RPF1: variants seen among roughly 807,000 people sequenced by gnomAD.
The protein encoded by RPF1 is ribosome production factor 1 homolog, also known as ribosome production factor 1.
A neutral mutation model predicts 41.9 loss-of-function variants in RPF1; 34 were observed. The ratio of observed to expected loss-of-function variants is 0.81; its 90% CI spans 0.62 to 1.08. The LOEUF (loss-of-function observed/expected upper bound fraction) is 1.08, where lower values mean the gene tolerates loss of function less well. RPF1 is among the 50% of genes least tolerant of loss of function. The pLI is 0.00. For missense variants in RPF1, 425 were observed against 435.2 expected (o/e 0.98, Z 0.21); for synonymous variants, 140 against 148.9 (o/e 0.94, Z 0.43).
chr1:84,481,241 C>A (rs12036957), intron 2 of RPF1, among the ~76,000 whole-genome samples: 1 of 151,986 alleles, frequency 6.6e-6, no homozygotes, highest in African/African-American at 2.4e-5. Context: ...CTTTTCCCTC[C>A]GAAGATAACC....
chr1:84,480,373 T>C (rs1265153359), intron 1 of RPF1, among the ~76,000 whole-genome samples: 2 of 152,216 alleles, frequency 1.3e-5, no homozygotes, highest in African/African-American at 4.8e-5. Context: ...ATTTTTTATT[T>C]TGTCAAGCAT....
intron 6 of RPF1, 83 bp from the exon 7 acceptor site, chr1:84,495,799 A>C (rs553799862): frequency 1.1e-6 from 1 of 910,222 alleles, no homozygotes; most frequent in African/African-American, 1.7e-5. Flanking sequence ...TTGTCATGTA[A>C]ATTTTGATAC....
rs554976621 is a variant in RPF1 at position 84,496,017 on chromosome 1, G to A, written c.835G>A (p.Ala279Thr). Residue 279 changes from alanine (A) to threonine (T), a missense_variant, in exon 7 of 9, where the codon GCC becomes ACC. Coordinates refer to ENST00000370654, the MANE Select transcript of RPF1 (RefSeq NM_025065.7). ...HNPQFIGRQV[A>T]TFHNQRDYIF... ...TCCTCAATTTATCGGAAGGCAGGTT[G>A]CCACATTCCACAATCAACGGGATTA... is the stretch of plus-strand genomic sequence containing the variant. The A allele has an allele frequency of 3.1e-6, 5 of 1,612,952 alleles. No individual in the cohort carries two copies. The highest frequency in any genetic ancestry group is 1.7e-5 in the Admixed American group (1 of 59,972).
intron 3 of RPF1, among the ~76,000 whole-genome samples, chr1:84,486,570 A>G (rs1344358943): frequency 6.9e-6 from 1 of 144,678 alleles, no homozygotes; most frequent in African/African-American, 2.7e-5. Flanking sequence ...CATGGGCGAC[A>G]GAGCGAGACT....
rs982995774 is a variant in RPF1 at position 84,497,548 on chromosome 1, CTT to C, written c.*81_*82del. ...GGTAAATTATTTTTGACAGAATACTCTTTTCAAAATGGCATTTGCTGATTTCA... is the reference window on the plus strand; with the variant it reads ...GGTAAATTATTTTTGACAGAATACTCTTCAAAATGGCATTTGCTGATTTCA... On this transcript the variant is annotated 3_prime_UTR_variant, in exon 9 of 9. Transcript: ENST00000370654. 2.1e-5 allele frequency: 23 copies of C among 1,106,088 alleles called. No homozygotes were observed. In the African/African-American group the frequency reaches 2.3e-4, roughly 11 times the overall value. The allele number at this position is 1,106,088 out of a possible 1,614,324, so 68.5% of individuals were successfully genotyped here. A position where few individuals can be genotyped will look rare whatever the true frequency, so the allele number is the denominator to read the frequency against.
chr1:84,484,762 T>G (rs550504219), intron 3 of RPF1, among the ~76,000 whole-genome samples: 1 of 150,796 alleles, frequency 6.6e-6, no homozygotes, highest in African/African-American at 2.4e-5. Flanking sequence ...CTCGGCTCAC[T>G]GCAACCTCTG....
chr1:84,491,289 G>A (rs1681831104), intron 5 of RPF1, among the ~76,000 whole-genome samples: 1 of 151,978 alleles, frequency 6.6e-6, no homozygotes, highest in South Asian at 2.1e-4. Flanking sequence ...AATTGAATGA[G>A]TCATCTTTAT....
chr1:84,493,446 A>C lies in RPF1; in HGVS notation c.617-1927A>C, dbSNP rs187280316. ...CATGGCAAAACCCTTTCTCTACAAA[A>C]ATTAGCTGGGCATGATGCCTGTAGT... On this transcript the variant is annotated intron_variant, in intron 5 of 8. Coordinates refer to ENST00000370654, the MANE Select transcript of RPF1 (RefSeq NM_025065.7). Among the ~76,000 whole-genome samples, 257 of 152,030 alleles carry C rather than the reference A, an allele frequency of 1.7e-3. 2 individuals are homozygous for C. Among genetic ancestry groups the C allele is most frequent in the African/African-American group, 6.0e-3 (250 of 41,500 alleles).
chr1:84,491,012 G>T (rs1681826159), intron 5 of RPF1, among the ~76,000 whole-genome samples: 1 of 152,104 alleles, frequency 6.6e-6, no homozygotes, highest in South Asian at 2.1e-4. Context: ...ATGGTTTGTT[G>T]TGGCTAGATT....
intron 3 of RPF1, among the ~76,000 whole-genome samples, chr1:84,488,575 T>G (rs533505608): frequency 6.6e-6 from 1 of 152,126 alleles, no homozygotes; most frequent in Non-Finnish European, 1.5e-5. Flanking sequence ...TTCTAGAACT[T>G]CTAGCCTAAT....
rs1378377141 is a variant in RPF1 at position 84,497,500 on chromosome 1, T to G, written c.*30T>G. On this transcript the variant is annotated 3_prime_UTR_variant, in exon 9 of 9. Transcript: ENST00000370654. ...CTGAGAGAATGATATTGGATTTTGC[T>G]GAACAGGCCTATCTTGAACTTTGGT... The G allele has an allele frequency of 2.0e-6, 3 of 1,523,482 alleles. No individual in the cohort carries two copies. The highest frequency in any genetic ancestry group is 4.6e-5 in the East Asian group (2 of 43,794). The allele number at this position is 1,523,482 out of a possible 1,614,324, so 94.4% of individuals were successfully genotyped here. A position where few individuals can be genotyped will look rare whatever the true frequency, so the allele number is the denominator to read the frequency against.
At position 84,497,550 on chromosome 1, in the gene RPF1, T is replaced by C; in HGVS notation, c.*80T>C. On this transcript the variant is annotated 3_prime_UTR_variant, in exon 9 of 9. Transcript: ENST00000370654. The stretch of plus-strand genomic sequence containing the variant: ...TAAATTATTTTTGACAGAATACTCT[T>C]TTCAAAATGGCATTTGCTGATTTCA... 11 of 1,064,048 alleles carry C rather than the reference T, an allele frequency of 1.0e-5. No individual in the cohort carries two copies. The highest frequency in any genetic ancestry group is 4.2e-4 in the Middle Eastern group (2 of 4,770). The allele number at this position is 1,064,048 out of a possible 1,614,324, so 65.9% of individuals were successfully genotyped here.
chr1:84,479,820 G>A (rs1269651748), intron 1 of RPF1, among the ~76,000 whole-genome samples: 1 of 152,194 alleles, frequency 6.6e-6, no homozygotes, highest in Non-Finnish European at 1.5e-5. Context: ...GGCCCAGAAG[G>A]CAAAAGTCTC....
At chr1:84,489,538 C>G in intron 3 of RPF1, 95 bp from the exon 4 acceptor site, 1 of 707,946 alleles carries the variant, frequency 1.4e-6, no homozygotes, top group Non-Finnish European at 2.6e-6. Flanking sequence ...CAGCTAGATA[C>G]TCAGTGTCCA....
chr1:84,481,487 A>T (rs1257022458), intron 2 of RPF1, among the ~76,000 whole-genome samples: 1 of 152,222 alleles, frequency 6.6e-6, no homozygotes. Context: ...AAGGCAGGAC[A>T]GATCCTCTTC....
intron 1 of RPF1, 115 bp downstream of exon 1, chr1:84,479,624 C>T: frequency 1.0e-6 from 1 of 1,000,594 alleles, no homozygotes; most frequent in African/African-American, 1.6e-5. Flanking sequence ...TCTGTGGCTC[C>T]GTGGGAAGGG....
rs546033116 is a variant in RPF1, at chr1:84,496,350, G to T, written c.988G>T (p.Glu330Ter). Residue 330 changes from glutamate to a stop codon, truncating the protein, a stop_gained, in exon 8 of 9, where the codon GAG becomes TAG. Coordinates refer to ENST00000370654, the MANE Select transcript of RPF1 (RefSeq NM_025065.7). LOFTEE classifies it high-confidence loss of function. ...AGGAACCTTTGATTCTAAATATGGAGAGTATGAATGGGTCCATAAGGTATG... is the reference window on the plus strand; with the variant it reads ...AGGAACCTTTGATTCTAAATATGGATAGTATGAATGGGTCCATAAGGTATG... ...QKGTFDSKYG[E>*]YEWVHKPREM... is the part of the protein sequence containing the mutation. 1 of 1,611,544 alleles carries T rather than the reference G, an allele frequency of 6.2e-7. No individual in the cohort carries two copies. Among genetic ancestry groups the T allele is most frequent in the African/African-American group, 1.3e-5 (1 of 74,842 alleles).
At chr1:84,482,616 CT>C (rs1681670538) in intron 2 of RPF1, among the ~76,000 whole-genome samples, 1 of 151,676 alleles carries the variant, frequency 6.6e-6, no homozygotes, top group Admixed American at 6.6e-5. Context: ...GTGTTTCCCC[CT>C]AGTAGATAAC....
intron 3 of RPF1, 138 bp from the exon 4 acceptor site, chr1:84,489,495 C>A: frequency 1.6e-6 from 1 of 610,118 alleles, no homozygotes; most frequent in Admixed American, 2.8e-5. Flanking sequence ...CCATTAATGT[C>A]AGTCCTTCCT....
Sources: gnomAD v4.1 joint callset for allele counts (sites outside exome capture counted in the v4.1 genomes callset) on GRCh38, gnomAD v4.1.1 for gene constraint, MANE v1.5 for transcripts, NCBI Gene and HGNC (gene_info 2026-07-23, HGNC 2026-07-21) for gene names.